The following HLCS variants were observed in gnomAD, a reference collection of about 807,000 sequenced individuals.
HLCS encodes the protein holocarboxylase synthetase.
A neutral mutation model predicts 75.0 loss-of-function variants in HLCS; 53 were observed. That is an observed-to-expected ratio of 0.71 (90% CI 0.57 to 0.89). HLCS has a LOEUF of 0.89. HLCS is among the 40% of genes least tolerant of loss of function. The probability of loss-of-function intolerance (pLI) is 0.00; values close to 1 mark genes in which losing one functional copy is unlikely to be tolerated. For missense variants in HLCS, 966 were observed against 1,074.0 expected, an observed-to-expected ratio of 0.90 and a Z score of 1.41; for synonymous variants, 431 against 428.6, an observed-to-expected ratio of 1.01 and a Z score of -0.07.
At chr21:36,889,515 A>G (rs1387530756) in intron 6 of HLCS, among the ~76,000 whole-genome samples, 2 of 152,234 alleles carry the variant, frequency 1.3e-5, no homozygotes, top group African/African-American at 4.8e-5. Context: ...ATCATTTATC[A>G]GGAGATTAAA....
At chr21:36,783,777 G>A (rs1012642151) in intron 6 of HLCS, among the ~76,000 whole-genome samples, 53 of 151,580 alleles carry the variant, frequency 3.5e-4, no homozygotes, top group Admixed American at 3.5e-3. Flanking sequence ...CTGGTGTCTC[G>A]CACACACACA....
At chr21:36,755,713 C>G (rs966284156) in intron 10 of HLCS, among the ~76,000 whole-genome samples, 1 of 152,230 alleles carries the variant, frequency 6.6e-6, no homozygotes, top group East Asian at 1.9e-4. Flanking sequence ...GTGCGCAGAC[C>G]TGACATTTTT....
chr21:36,832,175 C>T (rs1410362806), intron 6 of HLCS, among the ~76,000 whole-genome samples: 2 of 152,190 alleles, frequency 1.3e-5, no homozygotes, highest in Non-Finnish European at 2.9e-5. Flanking sequence ...CTCCTCTGTC[C>T]TATTACTGGG....
intron 6 of HLCS, among the ~76,000 whole-genome samples, chr21:36,770,334 A>G (rs952467156): frequency 6.6e-6 from 1 of 151,738 alleles, no homozygotes; most frequent in African/African-American, 2.4e-5. Flanking sequence ...TTTAGTAGAG[A>G]CGAGGTTTCA....
intron 1 of HLCS, among the ~76,000 whole-genome samples, chr21:36,983,871 T>C (rs1006862763): frequency 2.6e-5 from 4 of 151,278 alleles, no homozygotes; most frequent in Admixed American, 2.6e-4. Context: ...TAAGACAGGG[T>C]ATATCACAGG....
At position 36,750,784 on chromosome 21, in the gene HLCS, TATGACATATAAG is replaced by T. The variant is rs1601075200; in HGVS notation, c.*3450_*3461del. ...TATTCAAGCTGTTCCTAAACTTAAG[TATGACATATAAG>T]ATTAAAATCTTGGGGGGAAAAACTG... On this transcript the variant is annotated 3_prime_UTR_variant, in exon 11 of 11. Transcript: ENST00000674895. 6.6e-6 allele frequency: 1 copy of T among 150,932 alleles called. No individual in the cohort carries two copies. Among genetic ancestry groups the T allele is most frequent in the Non-Finnish European group, 1.5e-5 (1 of 67,892 alleles). The allele number at this position is 150,932 out of a possible 1,614,324, so 9.3% of individuals were successfully genotyped here.
intron 6 of HLCS, among the ~76,000 whole-genome samples, chr21:36,855,909 A>G (rs1392753755): frequency 6.6e-6 from 1 of 152,202 alleles, no homozygotes; most frequent in African/African-American, 2.4e-5. Context: ...AGATATGGAC[A>G]TGCTACAACA....
At chr21:36,849,741 T>C (rs1271842697) in intron 6 of HLCS, among the ~76,000 whole-genome samples, 5 of 152,242 alleles carry the variant, frequency 3.3e-5, no homozygotes, top group African/African-American at 9.6e-5. Flanking sequence ...CCCCTCGGCA[T>C]TGAGAGCTCT....
At chr21:36,759,626 T>C (rs2089748580) in intron 9 of HLCS, 101 bp downstream of exon 9, 1 of 750,904 alleles carries the variant, frequency 1.3e-6, no homozygotes, top group Non-Finnish European at 2.4e-6. Flanking sequence ...AGTAACCTCA[T>C]ATGATAATCT....
intron 6 of HLCS, among the ~76,000 whole-genome samples, chr21:36,768,358 G>A (rs7275269): frequency 1.6e-4 from 25 of 152,298 alleles, no homozygotes; most frequent in African/African-American, 6.0e-4. Context: ...GAGCGCTAGA[G>A]AAAGACCACG....
intron 6 of HLCS, among the ~76,000 whole-genome samples, chr21:36,894,768 G>T (rs1255093969): frequency 6.6e-6 from 1 of 151,874 alleles, no homozygotes; most frequent in African/African-American, 2.4e-5. Flanking sequence ...CCTATGGGAG[G>T]TTCCACCTCT....
intron 2 of HLCS, chr21:36,947,418 A>G (rs2146585621): frequency 1.0e-6 from 1 of 985,404 alleles, no homozygotes; most frequent in Non-Finnish European, 1.2e-6. Context: ...TGCTCCGATC[A>G]AAGCAGAACC....
intron 4 of HLCS, among the ~76,000 whole-genome samples, chr21:36,931,528 T>C (rs1200734589): frequency 6.6e-6 from 1 of 151,888 alleles, no homozygotes; most frequent in African/African-American, 2.4e-5. Context: ...GATGGGAGGA[T>C]TGCTTGAGCC....
chr21:36,772,798 C>G (rs1222229215), intron 6 of HLCS, among the ~76,000 whole-genome samples: 1 of 152,076 alleles, frequency 6.6e-6, no homozygotes, highest in Non-Finnish European at 1.5e-5. Context: ...TCCTGGCCAA[C>G]AGAGTGAAAC....
chr21:36,956,266 C>T (rs1306855567), intron 2 of HLCS, among the ~76,000 whole-genome samples: 4 of 151,966 alleles, frequency 2.6e-5, no homozygotes, highest in Admixed American at 1.3e-4. Flanking sequence ...TGGGGAGGCA[C>T]GTGTAGTTCT....
intron 6 of HLCS, among the ~76,000 whole-genome samples, chr21:36,769,796 C>T (rs16994435): frequency 0.012 from 1,887 of 152,342 alleles, 39 homozygotes; most frequent in African/African-American, 0.044. Context: ...CTGATTGTCA[C>T]ATGGTCCTTT....
At chr21:36,875,008 C>G (rs1293809982) in intron 6 of HLCS, among the ~76,000 whole-genome samples, 2 of 152,210 alleles carry the variant, frequency 1.3e-5, no homozygotes, top group Non-Finnish European at 2.9e-5. Flanking sequence ...CAGGTGTGCA[C>G]ATATGCAGAG....
intron 6 of HLCS, among the ~76,000 whole-genome samples, chr21:36,894,436 A>G (rs1483566589): frequency 1.3e-5 from 2 of 152,142 alleles, no homozygotes; most frequent in Non-Finnish European, 2.9e-5. Context: ...TCCCTCTGAC[A>G]TCAAGATGAC....
rs113069493 is a variant in HLCS at position 36,762,905 on chromosome 21, G to A, written c.2121+2107C>T. ...TAGTGGGGCTCCAAGGTCAAAGTCAGAGCCATGAAAAAGCTAAACAGACCA... is the reference window on the plus strand; with the variant it reads ...TAGTGGGGCTCCAAGGTCAAAGTCAAAGCCATGAAAAAGCTAAACAGACCA... On this transcript the variant is annotated intron_variant, in intron 8 of 10. Transcript: ENST00000674895. Among the ~76,000 whole-genome samples, 119 of 152,368 alleles carry A rather than the reference G, an allele frequency of 7.8e-4. 1 individual carries two copies. Among genetic ancestry groups the A allele is most frequent in the African/African-American group, 2.6e-3 (107 of 41,596 alleles).
Sources: gnomAD v4.1 joint callset for allele counts (sites outside exome capture counted in the v4.1 genomes callset) on GRCh38, gnomAD v4.1.1 for gene constraint, MANE v1.5 for transcripts, NCBI Gene and HGNC (gene_info 2026-07-23, HGNC 2026-07-21) for gene names.